Variants in MAP2K6 observed in about 807,000 individuals in gnomAD.
The protein encoded by MAP2K6 is mitogen-activated protein kinase kinase 6, also known as dual specificity mitogen-activated protein kinase kinase 6.
Under a neutral mutation model 53.7 loss-of-function variants are expected in MAP2K6, and 16 were observed. That is an observed-to-expected ratio of 0.30 (90% CI 0.20 to 0.45). The LOEUF is 0.45. Ranked by LOEUF, MAP2K6 falls within the 20% of genes least tolerant of loss-of-function variation. MAP2K6 has a pLI of 1.00. For synonymous variants in MAP2K6, 132 were observed against 143.1 expected, an observed-to-expected ratio of 0.92 and a Z score of 0.55; for missense variants, 204 against 411.9, an observed-to-expected ratio of 0.50 and a Z score of 4.37.
rs563884827 is a variant in MAP2K6 at position 69,449,996 on chromosome 17, G to A, written c.16+34996G>A. On this transcript the variant is annotated intron_variant, in intron 1 of 11. Coordinates refer to ENST00000590474, the MANE Select transcript of MAP2K6 (RefSeq NM_002758.4). ...GTCACCCAGGCTGGAGTGCAGTGGC[G>A]CGATCTTGGCTCACTGCAACCTCCG... Among the ~76,000 whole-genome samples the A allele has an allele frequency of 4.6e-5, 7 of 151,658 alleles. No homozygotes were observed. In the East Asian group the frequency reaches 9.8e-4, roughly 21 times the overall value.
chr17:69,437,581 C>T (rs1363633081), intron 1 of MAP2K6, among the ~76,000 whole-genome samples: 1 of 152,204 alleles, frequency 6.6e-6, no homozygotes, highest in African/African-American at 2.4e-5. Context: ...GTTAAACACA[C>T]ATAATGCAAA....
Position 69,489,383 on chromosome 17 carries a change from A to G in MAP2K6, c.17-16397A>G, listed in dbSNP as rs545362974. ...GGAACATTGTTCTGGTACAATAGAG[A>G]ATTTATATACTTTTTCTTGTGCTCA... On this transcript the variant is annotated intron_variant, in intron 1 of 11. Transcript: ENST00000590474. Among the ~76,000 whole-genome samples, 7 of 152,258 alleles carry G rather than the reference A, an allele frequency of 4.6e-5. No homozygotes were observed. In the East Asian group the frequency reaches 1.4e-3, roughly 29 times the overall value.
At chr17:69,454,987 G>A (rs1222338459) in intron 1 of MAP2K6, among the ~76,000 whole-genome samples, 1 of 151,488 alleles carries the variant, frequency 6.6e-6, no homozygotes, top group East Asian at 1.9e-4. Context: ...CAAAGACTTA[G>A]TGCTTTCTTT....
intron 1 of MAP2K6, among the ~76,000 whole-genome samples, chr17:69,429,192 A>C (rs1412068510): frequency 1.3e-5 from 2 of 151,754 alleles, no homozygotes; most frequent in Non-Finnish European, 2.9e-5. Context: ...AACCCCAGTC[A>C]GGCTGGAGGC....
intron 1 of MAP2K6, chr17:69,502,671 G>A: frequency 2.0e-6 from 2 of 985,528 alleles, no homozygotes; most frequent in South Asian, 4.7e-5. Context: ...TCAACTAGGA[G>A]GCAGTAAATT....
rs1307632142 is a variant in MAP2K6, at chr17:69,548,856, C to G, written c.*7103C>G. 6.6e-6 allele frequency: 1 copy of G among 152,206 alleles called. No homozygotes were observed. The highest frequency in any genetic ancestry group is 6.5e-5 in the Admixed American group (1 of 15,270). 9.4% of individuals were successfully genotyped at this position (152,206 alleles called of 1,614,324 possible). ...AATCAAGGCTTTAGTGGAAGGTAAT[C>G]TTTTCAGTTTCTGACCCAGATTTCT... is the stretch of plus-strand genomic sequence containing the variant. On this transcript the variant is annotated 3_prime_UTR_variant, in exon 12 of 12. Coordinates refer to ENST00000590474, the MANE Select transcript of MAP2K6 (RefSeq NM_002758.4).
intron 1 of MAP2K6, among the ~76,000 whole-genome samples, chr17:69,438,967 A>G (rs1382173582): frequency 6.6e-6 from 1 of 152,220 alleles, no homozygotes; most frequent in African/African-American, 2.4e-5. Flanking sequence ...TTCAGTGTCT[A>G]TAAATAAAGT....
At chr17:69,463,258 G>A (rs1052972295) in intron 1 of MAP2K6, among the ~76,000 whole-genome samples, 2 of 149,968 alleles carry the variant, frequency 1.3e-5, no homozygotes, top group African/African-American at 4.9e-5. Flanking sequence ...TTGCTTTCAC[G>A]TACATATATG....
rs1477592160 is a variant in MAP2K6 at position 69,415,915 on chromosome 17, A to T, written c.16+915A>T. The stretch of plus-strand genomic sequence containing the variant: ...TTTCTTAATTTTTGTTTTTAAACAC[A>T]GTTGTATTTTGCAGGCTTAATGTCA... On this transcript the variant is annotated intron_variant, in intron 1 of 11. Transcript: ENST00000590474. 2.0e-5 allele frequency among the ~76,000 whole-genome samples: 3 copies of T among 152,060 alleles called. No homozygotes were observed. The East Asian group carries it at 5.8e-4, about 29-fold the overall frequency.
At chr17:69,435,710 C>T (rs1441240416) in intron 1 of MAP2K6, among the ~76,000 whole-genome samples, 2 of 151,894 alleles carry the variant, frequency 1.3e-5, no homozygotes, top group Admixed American at 6.6e-5. Flanking sequence ...CTTGCTCTGT[C>T]GCCCAGGCTG....
At chr17:69,534,036 G>T (rs1437905793) in intron 10 of MAP2K6, among the ~76,000 whole-genome samples, 1 of 152,168 alleles carries the variant, frequency 6.6e-6, no homozygotes, top group Non-Finnish European at 1.5e-5. Context: ...TTGGGCTAGA[G>T]TGTTCTTTGT....
chr17:69,491,108 T>TTTCCTTCC (rs34072741), intron 1 of MAP2K6, among the ~76,000 whole-genome samples: 40 of 148,844 alleles, frequency 2.7e-4, no homozygotes, highest in Middle Eastern at 3.5e-3. Flanking sequence ...CATTGTCTTT[T>TTTCCTTCC]TTCCTTCCTT....
Position 69,508,700 on chromosome 17 carries a change from C to G in MAP2K6, c.83+2854C>G, listed in dbSNP as rs986263134. Among the ~76,000 whole-genome samples, 16 of 152,148 alleles carry G rather than the reference C, an allele frequency of 1.1e-4. 1 individual carries two copies. Among genetic ancestry groups the G allele is most frequent in the South Asian group, 4.1e-4 (2 of 4,828 alleles). ...ATGCTTTTGATAATAAGTCTAAGAA[C>G]CCTTTGCCTAGTCCTAGATCTGTCT... On this transcript the variant is annotated intron_variant, in intron 2 of 11. Transcript: ENST00000590474.
intron 1 of MAP2K6, among the ~76,000 whole-genome samples, chr17:69,458,092 C>T (rs148642758): frequency 4.6e-5 from 7 of 152,152 alleles, no homozygotes; most frequent in East Asian, 1.9e-4. Flanking sequence ...CTTGCTCTGT[C>T]GCCCAGGCTG....
intron 1 of MAP2K6, among the ~76,000 whole-genome samples, chr17:69,457,760 A>T (rs1907464127): frequency 6.6e-6 from 1 of 152,304 alleles, no homozygotes; most frequent in East Asian, 1.9e-4. Flanking sequence ...AGCTATGATC[A>T]CACTACTCCA....
At chr17:69,458,833 G>A (rs1241603575) in intron 1 of MAP2K6, among the ~76,000 whole-genome samples, 2 of 152,038 alleles carry the variant, frequency 1.3e-5, no homozygotes, top group Admixed American at 6.6e-5. Flanking sequence ...CCCTGTCCTC[G>A]TTCTCTGTTG....
chr17:69,423,569 T>C (rs1170017473), intron 1 of MAP2K6, among the ~76,000 whole-genome samples: 1 of 152,214 alleles, frequency 6.6e-6, no homozygotes. Context: ...TTGGAAGTTG[T>C]TAACCTGGAT....
chr17:69,493,603 A>G (rs1038994441), intron 1 of MAP2K6, among the ~76,000 whole-genome samples: 2 of 152,140 alleles, frequency 1.3e-5, no homozygotes, highest in African/African-American at 4.8e-5. Flanking sequence ...TCTACTAAAA[A>G]TACAAAAATA....
chr17:69,454,290 C>T (rs1394788973), intron 1 of MAP2K6, among the ~76,000 whole-genome samples: 7 of 152,242 alleles, frequency 4.6e-5, no homozygotes, highest in Admixed American at 3.3e-4. Flanking sequence ...AGAAGCCAGT[C>T]TTACCAGAGA....
Sources: gnomAD v4.1 joint callset for allele counts (sites outside exome capture counted in the v4.1 genomes callset) on GRCh38, gnomAD v4.1.1 for gene constraint, MANE v1.5 for transcripts, NCBI Gene and HGNC (gene_info 2026-07-23, HGNC 2026-07-21) for gene names.